Variants in FLI1 observed in about 807,000 individuals in gnomAD.
FLI1 encodes the protein Friend leukemia integration 1 transcription factor.
Under a neutral mutation model 53.1 loss-of-function variants are expected in FLI1, and 13 were observed. The ratio of observed to expected loss-of-function variants is 0.24; its 90% CI spans 0.16 to 0.39. The LOEUF (loss-of-function observed/expected upper bound fraction) is 0.39. Ranked by LOEUF, FLI1 falls within the 10% of genes least tolerant of loss-of-function variation. FLI1 has a pLI of 1.00. For missense variants in FLI1, 424 were observed against 600.5 expected, an observed-to-expected ratio of 0.71 and a Z score of 3.07; for synonymous variants, 244 against 236.7, an observed-to-expected ratio of 1.03 and a Z score of -0.28.
At chr11:128,793,636 C>T (rs1019254875) in intron 5 of FLI1, among the ~76,000 whole-genome samples, 2 of 152,214 alleles carry the variant, frequency 1.3e-5, no homozygotes, top group Non-Finnish European at 2.9e-5. Flanking sequence ...TCCCACTTTG[C>T]CCTTTCTGCC....
chr11:128,739,180 C>T (rs928109573), intron 1 of FLI1, among the ~76,000 whole-genome samples: 1 of 152,096 alleles, frequency 6.6e-6, no homozygotes, highest in Non-Finnish European at 1.5e-5. Context: ...CACTCCTCCC[C>T]GGGGCTTCAG....
At chr11:128,754,848 G>C (rs1198649642) in intron 1 of FLI1, among the ~76,000 whole-genome samples, 2 of 152,270 alleles carry the variant, frequency 1.3e-5, no homozygotes, top group Non-Finnish European at 2.9e-5. Context: ...GGTGAACCGG[G>C]ACGCTCTCCT....
chr11:128,758,439 C>G (rs1049343223), intron 2 of FLI1, 113 bp downstream of exon 2: 6 of 826,788 alleles, frequency 7.3e-6, no homozygotes, highest in Non-Finnish European at 1.2e-5. Flanking sequence ...TAGAGCTGGG[C>G]CAGGAAGCCT....
In FLI1 at chr11:128,707,262, C is replaced by T. The variant is rs184170785; in HGVS notation, c.18+12986C>T. ...ATACATTATCTTAAGCAACTTCCCC[C>T]GCCCTGATAACACTGCCTGTAGAGA... On this transcript the variant is annotated intron_variant, in intron 1 of 8. Coordinates refer to ENST00000527786, the MANE Select transcript of FLI1 (RefSeq NM_002017.5). Among the ~76,000 whole-genome samples, 257 of 152,298 alleles carry T rather than the reference C, an allele frequency of 1.7e-3. 8 individuals carry two copies. The highest frequency in any genetic ancestry group is 0.017 in the Admixed American group (253 of 15,304).
rs1284961106 is a variant in FLI1 at position 128,805,372 on chromosome 11, C to T, written c.662C>T (p.Ser221Phe). The T allele has an allele frequency of 1.9e-6, 3 of 1,583,882 alleles. No homozygotes were observed. The Admixed American group carries it at 5.3e-5, about 28-fold the overall frequency. Residue 221 changes from serine to phenylalanine, a missense_variant, in exon 6 of 9, where the codon TCT becomes TTT. Physicochemically the swap from Ser to Phe is radical, Grantham distance 155 (BLOSUM62 -2). Around this residue, in one of 5 missense-constraint regions of FLI1, gnomAD observed 114 missense variants for 117.9 expected, o/e 0.97. Coordinates refer to ENST00000527786, the MANE Select transcript of FLI1 (RefSeq NM_002017.5). ...ATTTGTTATTGTTCATTAGACCCTTCTTATGACTCAGTCAGAAGAGGAGCT... is the reference window on the plus strand; with the variant it reads ...ATTTGTTATTGTTCATTAGACCCTTTTTATGACTCAGTCAGAAGAGGAGCT... Reference protein sequence around the residue: ...SSRLSVKEDPSYDSVRRGAWG... With the variant: ...SSRLSVKEDPFYDSVRRGAWG...
At chr11:128,749,776 A>G (rs1284729270) in intron 1 of FLI1, among the ~76,000 whole-genome samples, 2 of 152,210 alleles carry the variant, frequency 1.3e-5, no homozygotes, top group South Asian at 2.1e-4. Context: ...CCAACTTTCC[A>G]TAAAATTTAC....
At chr11:128,752,158 T>C (rs1337187556) in intron 1 of FLI1, among the ~76,000 whole-genome samples, 1 of 152,006 alleles carries the variant, frequency 6.6e-6, no homozygotes, top group African/African-American at 2.4e-5. Flanking sequence ...GTATTTTTAG[T>C]AGAAACAGGG....
chr11:128,734,666 C>A (rs886585899), intron 1 of FLI1, among the ~76,000 whole-genome samples: 1 of 152,144 alleles, frequency 6.6e-6, no homozygotes, highest in Non-Finnish European at 1.5e-5. Flanking sequence ...GAGAAAATGT[C>A]AGGGAGGCCT....
intron 1 of FLI1, among the ~76,000 whole-genome samples, chr11:128,708,490 C>T (rs1311658673): frequency 6.6e-6 from 1 of 152,100 alleles, no homozygotes; most frequent in Non-Finnish European, 1.5e-5. Context: ...CTAATGTGGG[C>T]ACCGGCTTGG....
intron 1 of FLI1, chr11:128,687,059 C>G (rs557983078): frequency 2.2e-4 from 34 of 155,828 alleles, no homozygotes; most frequent in African/African-American, 8.2e-4. Flanking sequence ...CGTGCGCGCG[C>G]TTGTGTGTGA....
At chr11:128,734,510 T>C (rs1338340242) in intron 1 of FLI1, among the ~76,000 whole-genome samples, 2 of 152,238 alleles carry the variant, frequency 1.3e-5, no homozygotes, top group Admixed American at 6.5e-5. Flanking sequence ...AGGAACATGT[T>C]ACATTTCTTC....
chr11:128,784,264 TCC>T (rs1942016837), intron 5 of FLI1, among the ~76,000 whole-genome samples: 2 of 109,030 alleles, frequency 1.8e-5, no homozygotes, highest in Admixed American at 1.1e-4. Flanking sequence ...CTCCTCCTCC[TCC>T]TCCTGCTGTC....
chr11:128,735,544 C>T (rs374724044), intron 1 of FLI1, among the ~76,000 whole-genome samples: 12 of 152,324 alleles, frequency 7.9e-5, no homozygotes, highest in African/African-American at 2.9e-4. Context: ...AACTTTGTGA[C>T]TGTATGTTTG....
chr11:128,801,506 C>T (rs1278052271), intron 5 of FLI1, among the ~76,000 whole-genome samples: 1 of 152,202 alleles, frequency 6.6e-6, no homozygotes, highest in African/African-American at 2.4e-5. Context: ...GCATTCAGGC[C>T]TTGACTTCCC....
chr11:128,761,566 G>C (rs935086935), intron 2 of FLI1, among the ~76,000 whole-genome samples: 4 of 152,120 alleles, frequency 2.6e-5, no homozygotes, highest in African/African-American at 4.8e-5. Context: ...GTTGATGCAT[G>C]GGCTTCTGAG....
At chr11:128,773,862 G>T (rs73015402) in intron 4 of FLI1, among the ~76,000 whole-genome samples, 226 of 151,916 alleles carry the variant, frequency 1.5e-3, no homozygotes, top group South Asian at 4.2e-3. Context: ...ACAGGTTTGG[G>T]CTCACACTAC....
At chr11:128,736,239 T>C (rs1220151349) in intron 1 of FLI1, among the ~76,000 whole-genome samples, 3 of 145,206 alleles carry the variant, frequency 2.1e-5, no homozygotes, top group Admixed American at 1.4e-4. Flanking sequence ...CATTCATTCA[T>C]ATATGCAGAG....
intron 1 of FLI1, among the ~76,000 whole-genome samples, chr11:128,714,129 G>C (rs1938904795): frequency 1.3e-5 from 2 of 150,370 alleles, no homozygotes; most frequent in South Asian, 4.2e-4. Flanking sequence ...AAGATTCTAG[G>C]AGGCTGAATT....
chr11:128,706,343 C>A (rs781656359), intron 1 of FLI1, among the ~76,000 whole-genome samples: 5 of 152,194 alleles, frequency 3.3e-5, no homozygotes, highest in South Asian at 2.1e-4. Flanking sequence ...TCACTCCATA[C>A]AACGTGGCCT....
Sources: gnomAD v4.1 joint callset for allele counts (sites outside exome capture counted in the v4.1 genomes callset) on GRCh38, gnomAD v4.1.1 for gene constraint, gnomAD v4.1.1 regional missense constraint, MANE v1.5 for transcripts, NCBI Gene and HGNC (gene_info 2026-07-23, HGNC 2026-07-21) for gene names.